The following RAB3C variants were observed in gnomAD, a reference collection of about 807,000 sequenced individuals.
RAB3C encodes the protein ras-related protein Rab-3C.
Under a neutral mutation model 26.4 loss-of-function variants are expected in RAB3C, and 17 were observed. The ratio of observed to expected loss-of-function variants is 0.64; its 90% confidence interval spans 0.44 to 0.97. RAB3C has a LOEUF of 0.97. Ranked by LOEUF, RAB3C falls within the 50% of genes least tolerant of loss-of-function variation. The probability of loss-of-function intolerance (pLI) is 0.00; values close to 1 mark genes in which losing one functional copy is unlikely to be tolerated. For missense variants in RAB3C, 242 were observed against 281.9 expected, an observed-to-expected ratio of 0.86 and a Z score of 1.01; for synonymous variants, 91 against 95.9, an observed-to-expected ratio of 0.95 and a Z score of 0.30.
At chr5:58,718,008 T>C (rs1749208388) in intron 2 of RAB3C, among the ~76,000 whole-genome samples, 1 of 152,110 alleles carries the variant, frequency 6.6e-6, no homozygotes, top group Non-Finnish European at 1.5e-5. Context: ...TGTTATCCTT[T>C]AAAACGCAAT....
chr5:58,750,995 C>T (rs1741510781), intron 3 of RAB3C, among the ~76,000 whole-genome samples: 1 of 152,084 alleles, frequency 6.6e-6, no homozygotes, highest in Non-Finnish European at 1.5e-5. Context: ...GCTGGGACTA[C>T]AGGTGCCCGT....
chr5:58,780,354 T>G (rs1742243301), intron 3 of RAB3C, among the ~76,000 whole-genome samples: 1 of 152,170 alleles, frequency 6.6e-6, no homozygotes. Flanking sequence ...CAAAGCATTG[T>G]GCCTCGCAAC....
rs764272646 is a variant in RAB3C, at chr5:58,704,771, T to A, written c.253-21231T>A. Among the ~76,000 whole-genome samples the A allele has an allele frequency of 3.3e-5, 5 of 152,276 alleles. 1 individual carries two copies. Among genetic ancestry groups the A allele is most frequent in the African/African-American group, 1.2e-4 (5 of 41,578 alleles). On this transcript the variant is annotated intron_variant, in intron 2 of 4. Coordinates refer to ENST00000282878, the MANE Select transcript of RAB3C (RefSeq NM_138453.4). ...TTTTCTTTCTTTCTTTTTTAAAAAATTTCTGTATCTTTTATTCATTCTCTG... is the reference window on the plus strand; with the variant it reads ...TTTTCTTTCTTTCTTTTTTAAAAAAATTCTGTATCTTTTATTCATTCTCTG...
intron 2 of RAB3C, among the ~76,000 whole-genome samples, chr5:58,703,229 C>T (rs1434258945): frequency 6.6e-6 from 1 of 152,096 alleles, no homozygotes; most frequent in Non-Finnish European, 1.5e-5. Flanking sequence ...GTTGCCCAGG[C>T]TGGAGTGCAA....
intron 2 of RAB3C, among the ~76,000 whole-genome samples, chr5:58,639,626 G>A (rs530592933): frequency 5.9e-5 from 9 of 152,146 alleles, no homozygotes; most frequent in Admixed American, 2.6e-4. Flanking sequence ...CACAGGCCTC[G>A]CCTCCAAATG....
intron 3 of RAB3C, among the ~76,000 whole-genome samples, chr5:58,749,470 A>G (rs1376687338): frequency 6.6e-6 from 1 of 152,204 alleles, no homozygotes; most frequent in African/African-American, 2.4e-5. Context: ...AATGCAATAA[A>G]AATGTTAACA....
chr5:58,616,077 T>C (rs16877131), intron 1 of RAB3C, among the ~76,000 whole-genome samples: 31,821 of 151,914 alleles, frequency 0.21, 3,486 homozygotes, highest in East Asian at 0.42. Flanking sequence ...TTCTAACATT[T>C]TTCCATCTCT....
intron 2 of RAB3C, among the ~76,000 whole-genome samples, chr5:58,695,825 G>T (rs1268231059): frequency 2.0e-5 from 3 of 152,200 alleles, no homozygotes; most frequent in Non-Finnish European, 4.4e-5. Flanking sequence ...GATTTGGGCT[G>T]AGACGATGGG....
intron 3 of RAB3C, among the ~76,000 whole-genome samples, chr5:58,796,889 C>G (rs907706500): frequency 6.6e-6 from 1 of 151,784 alleles, no homozygotes; most frequent in African/African-American, 2.4e-5. Context: ...CAGTCATCTT[C>G]CCTGGGCACA....
intron 2 of RAB3C, among the ~76,000 whole-genome samples, chr5:58,697,834 G>T (rs546218750): frequency 6.6e-6 from 1 of 152,190 alleles, no homozygotes; most frequent in South Asian, 2.1e-4. Context: ...CATGAGATGG[G>T]TCTTCCGAAT....
chr5:58,805,722 A>C (rs752022317), intron 3 of RAB3C, among the ~76,000 whole-genome samples: 6 of 152,182 alleles, frequency 3.9e-5, no homozygotes, highest in Non-Finnish European at 7.4e-5. Context: ...TAACATAAAA[A>C]GCAGAGGAGT....
At chr5:58,737,972 A>G (rs1741188078) in intron 3 of RAB3C, among the ~76,000 whole-genome samples, 2 of 152,360 alleles carry the variant, frequency 1.3e-5, no homozygotes, top group Admixed American at 6.5e-5. Flanking sequence ...ACTGTAGCAC[A>G]TTCTTTCCCT....
intron 3 of RAB3C, among the ~76,000 whole-genome samples, chr5:58,763,422 CA>C (rs1741836565): frequency 6.6e-6 from 1 of 152,110 alleles, no homozygotes; most frequent in Admixed American, 6.5e-5. Flanking sequence ...GGAAGATCTC[CA>C]AAAATGCTTT....
At chr5:58,811,735 G>A (rs745355634) in intron 3 of RAB3C, among the ~76,000 whole-genome samples, 16 of 151,746 alleles carry the variant, frequency 1.1e-4, no homozygotes, top group Non-Finnish European at 1.9e-4. Flanking sequence ...GACAGTCAGA[G>A]CTAAACTCAC....
chr5:58,688,992 C>T (rs1748506378), intron 2 of RAB3C, among the ~76,000 whole-genome samples: 1 of 152,106 alleles, frequency 6.6e-6, no homozygotes, highest in Non-Finnish European at 1.5e-5. Flanking sequence ...TGACCTTTTA[C>T]TCTGTGCCAG....
At chr5:58,829,217 A>C (rs766997031) in intron 4 of RAB3C, among the ~76,000 whole-genome samples, 1 of 152,020 alleles carries the variant, frequency 6.6e-6, no homozygotes, top group Non-Finnish European at 1.5e-5. Flanking sequence ...TGAGTGTTTT[A>C]ACAGTTAGTC....
chr5:58,597,079 A>ATATAATACATAATATATATTATATAAT (rs1561260515), intron 1 of RAB3C, among the ~76,000 whole-genome samples: 2 of 6,564 alleles, frequency 3.0e-4, no homozygotes, highest in African/African-American at 1.1e-3. Flanking sequence ...ATTATATAAT[A>ATATAATACATAATATATATTATATAAT]ATATATAATA....
At chr5:58,813,219 C>A (rs1453852410) in intron 3 of RAB3C, among the ~76,000 whole-genome samples, 1 of 152,064 alleles carries the variant, frequency 6.6e-6, no homozygotes, top group Non-Finnish European at 1.5e-5. Flanking sequence ...ACAAAGATTT[C>A]TTTATTGTTA....
At chr5:58,625,577 G>T (rs1013147531) in intron 2 of RAB3C, among the ~76,000 whole-genome samples, 1 of 152,026 alleles carries the variant, frequency 6.6e-6, no homozygotes, top group Non-Finnish European at 1.5e-5. Flanking sequence ...TTCAAATACC[G>T]GCCGGGCACT....
Sources: allele counts gnomAD v4.1 joint callset (sites outside exome capture counted in the v4.1 genomes callset), GRCh38; gene constraint gnomAD v4.1.1; transcripts MANE v1.5; gene names NCBI Gene and HGNC (gene_info 2026-07-23, HGNC 2026-07-21).